C5: variants seen among roughly 807,000 people sequenced by gnomAD.
C5 encodes the protein C3 and PZP-like alpha-2-macroglobulin domain-containing protein 4.
C5 carries 140 observed loss-of-function variants against 218.8 expected under a neutral mutation model. The observed-to-expected ratio is 0.64, with a 90% CI of 0.56 to 0.74. The LOEUF is 0.74. Ranked by LOEUF, C5 falls within the 30% of genes least tolerant of loss-of-function variation. C5 has a pLI of 0.00. For synonymous variants in C5, 614 were observed against 682.3 expected (o/e 0.90, Z 1.56); for missense variants, 1,700 against 1,969.6 (o/e 0.86, Z 2.59).
intron 1 of C5, among the ~76,000 whole-genome samples, chr9:121,049,037 T>TG (rs1439719123): frequency 6.6e-6 from 1 of 152,346 alleles, no homozygotes; most frequent in Non-Finnish European, 1.5e-5. Flanking sequence ...CCCACTAGAA[T>TG]GCAAGCTCTA....
the C5 span, among the ~76,000 whole-genome samples, chr9:121,070,045 G>A: frequency 6.6e-6 from 1 of 152,038 alleles, no homozygotes; most frequent in Non-Finnish European, 1.5e-5. Flanking sequence ...CAACCTAGGT[G>A]TCCAACAGAT....
the C5 span, among the ~76,000 whole-genome samples, chr9:121,065,457 CT>C: frequency 6.6e-6 from 1 of 150,426 alleles, no homozygotes; most frequent in African/African-American, 2.4e-5. Flanking sequence ...TACAGCATTA[CT>C]TTTTTTGTTT....
chr9:121,017,884 A>T (rs767541442), intron 12 of C5, 32 bp from the exon 13 acceptor site: 1 of 1,385,164 alleles, frequency 7.2e-7, no homozygotes, highest in Non-Finnish European at 1.0e-6. Context: ...AACAATAAGT[A>T]AAAAATAAAC....
Position 120,997,565 on chromosome 9 carries a change from TA to T in C5, c.2771del (p.Val924GlufsTer42). On this transcript the variant is annotated frameshift_variant, in exon 21 of 41. Coordinates refer to ENST00000223642, the MANE Select transcript of C5 (RefSeq NM_001735.3). LOFTEE classifies it high-confidence loss of function. The part of the protein sequence containing the change: ...LETWFGKEIL[V>X]KTLRVVPEGV... Reference sequence around the variant, plus strand: ...TTCTTACCACCACTCGTAATGTTTTTACTAAGATTTCTTTTCCAAACCAAGT... The same window carrying T: ...TTCTTACCACCACTCGTAATGTTTTTCTAAGATTTCTTTTCCAAACCAAGT... The T allele has an allele frequency of 6.2e-7, 1 of 1,613,348 alleles. No homozygotes were observed. Among genetic ancestry groups the T allele is most frequent in the Non-Finnish European group, 8.5e-7 (1 of 1,179,314 alleles).
intron 2 of C5, 125 bp downstream of exon 2, chr9:121,046,066 T>A: frequency 2.1e-6 from 1 of 475,004 alleles, no homozygotes; most frequent in South Asian, 4.5e-5. Context: ...ACTGACATCA[T>A]CTAATAATCC....
upstream of C5, among the ~76,000 whole-genome samples, chr9:121,053,031 C>T (rs1459910618): frequency 6.6e-6 from 1 of 151,936 alleles, no homozygotes; most frequent in Non-Finnish European, 1.5e-5. Flanking sequence ...GAAATTCAGC[C>T]CATCAGATTG....
chr9:120,970,997 C>G (rs893790972), intron 31 of C5, among the ~76,000 whole-genome samples: 4 of 152,010 alleles, frequency 2.6e-5, no homozygotes, highest in Middle Eastern at 3.4e-3. Context: ...CATGGTGAAA[C>G]TCCGTCTCTA....
At chr9:120,965,582 G>A (rs1345763541) in intron 33 of C5, among the ~76,000 whole-genome samples, 3 of 151,858 alleles carry the variant, frequency 2.0e-5, no homozygotes, top group Admixed American at 2.0e-4. Context: ...CCCATTAGAA[G>A]TCATAGATGT....
chr9:120,953,802 TC>T lies in C5; in HGVS notation c.4828del (p.Glu1610SerfsTer3). On this transcript the variant is annotated frameshift_variant, in exon 40 of 41. Coordinates refer to ENST00000223642, the MANE Select transcript of C5 (RefSeq NM_001735.3). LOFTEE classifies it high-confidence loss of function. The stretch of plus-strand genomic sequence containing the variant: ...TAAGTACTGTCTTCCTTTTACCAGC[TC>T]AGCGTTAGTACAGGTTACCTTTTTA... ...FIKKVTCTNA[E>X]LVKGRQYLIM... The T allele has an allele frequency of 6.2e-7, 1 of 1,613,844 alleles. No individual in the cohort carries two copies. The highest frequency in any genetic ancestry group is 1.1e-5 in the South Asian group (1 of 91,070).
chr9:121,051,254 C>G (rs984994530), upstream of C5, among the ~76,000 whole-genome samples: 1 of 151,856 alleles, frequency 6.6e-6, no homozygotes, highest in Non-Finnish European at 1.5e-5. Flanking sequence ...TCCCAAGTAG[C>G]TGGGACTACA....
chr9:121,067,011 A>G, the C5 span, among the ~76,000 whole-genome samples: 2 of 152,138 alleles, frequency 1.3e-5, no homozygotes, highest in Admixed American at 6.5e-5. Context: ...CATGCCTGCA[A>G]TCTCAATACT....
At chr9:121,067,489 G>A in the C5 span, among the ~76,000 whole-genome samples, 3 of 151,708 alleles carry the variant, frequency 2.0e-5, no homozygotes, top group South Asian at 4.2e-4. Flanking sequence ...ACTTGAACTC[G>A]GGGGGTGGAG....
chr9:121,022,657 T>C (rs192551359), intron 10 of C5, among the ~76,000 whole-genome samples: 17 of 150,022 alleles, frequency 1.1e-4, no homozygotes, highest in Admixed American at 4.0e-4. Flanking sequence ...AATTTTGCTC[T>C]GGATTTCTAA....
At chr9:120,984,380 T>C (rs949246522) in intron 25 of C5, among the ~76,000 whole-genome samples, 2 of 152,202 alleles carry the variant, frequency 1.3e-5, no homozygotes, top group Admixed American at 1.3e-4. Context: ...TGAGAAATAC[T>C]TCTACGGATT....
intron 20 of C5, among the ~76,000 whole-genome samples, chr9:121,002,215 CGTATAT>C (rs2047169151): frequency 2.5e-5 from 1 of 39,580 alleles, no homozygotes; most frequent in Non-Finnish European, 5.2e-5. Context: ...TGTATATATA[CGTATAT>C]ATATATATGT....
the C5 span, among the ~76,000 whole-genome samples, chr9:121,067,646 C>T: frequency 6.6e-6 from 1 of 151,772 alleles, no homozygotes; most frequent in African/African-American, 2.4e-5. Context: ...CTACGCAAAT[C>T]TCATGTCAAA....
Position 120,960,331 on chromosome 9 carries a change from C to A in C5, c.4595G>T (p.Cys1532Phe). 1 of 1,611,544 alleles carries A rather than the reference C, an allele frequency of 6.2e-7. No individual in the cohort carries two copies. Among genetic ancestry groups the A allele is most frequent in the African/African-American group, 1.3e-5 (1 of 74,982 alleles). Residue 1532 changes from cysteine (C) to phenylalanine (F), a missense_variant, in exon 38 of 41, where the codon TGT (cysteine) becomes TTT (phenylalanine). Transcript: ENST00000223642. ...ATCCAATTCTTCCTGCATTTGCCCA[C>A]AATCAGCTGGATTTTGTGAAAATTG... ...GAACKCVEADCGQMQEELDLT... is the reference protein window; with the variant it reads ...GAACKCVEADFGQMQEELDLT...
rs2046753893 is a variant in C5 at position 120,952,758 on chromosome 9, A to G, written c.5012T>C (p.Ile1671Thr). ...GGAATTTTAGCATCCATTTAAAAAG[A>G]TATCTTCGGCAAATTCATCTAAATT... ...LANLDEFAED[I>T]FLNGC is the part of the protein sequence containing the mutation. The change falls in exon 41 of 41, where the codon ATC becomes ACC. Residue 1671 changes from isoleucine to threonine, a missense_variant. Transcript: ENST00000223642. The G allele has an allele frequency of 1.2e-6, 2 of 1,613,582 alleles. No individual in the cohort carries two copies. Among genetic ancestry groups the G allele is most frequent in the Non-Finnish European group, 8.5e-7 (1 of 1,179,822 alleles).
At chr9:121,038,438 T>TC (rs1319901059) in intron 3 of C5, among the ~76,000 whole-genome samples, 1 of 152,174 alleles carries the variant, frequency 6.6e-6, no homozygotes, top group East Asian at 1.9e-4. Context: ...CCAAATTAGC[T>TC]CTTATTGCAA....
Sources: gnomAD v4.1 joint callset for allele counts (sites outside exome capture counted in the v4.1 genomes callset) on GRCh38, gnomAD v4.1.1 for gene constraint, MANE v1.5 for transcripts, NCBI Gene and HGNC (gene_info 2026-07-23, HGNC 2026-07-21) for gene names.